Variants in GPC6 observed in about 807,000 individuals in gnomAD.
GPC6 encodes glypican-6.
In GPC6, 14 loss-of-function variants were observed where a neutral mutation model predicts 55.2. That is an observed-to-expected ratio of 0.25 (90% CI 0.17 to 0.40). GPC6 has a LOEUF of 0.40. Ranked by LOEUF, GPC6 falls within the 10% of genes least tolerant of loss-of-function variation. The pLI is 1.00. For synonymous variants in GPC6, 278 were observed against 259.6 expected (o/e 1.07, Z -0.68); for missense variants, 641 against 708.5 (o/e 0.90, Z 1.08).
At chr13:93,224,244 G>C (rs1875700612), upstream of GPC6, among the ~76,000 whole-genome samples, 1 of 138,352 alleles carries the variant, frequency 7.2e-6, no homozygotes, top group African/African-American at 2.7e-5. Flanking sequence ...GCCCAGTCTG[G>C]AGTGCAATGG....
chr13:93,587,644 C>A (rs923396900), intron 2 of GPC6, among the ~76,000 whole-genome samples: 1 of 151,978 alleles, frequency 6.6e-6, no homozygotes, highest in African/African-American at 2.4e-5. Flanking sequence ...GATTTTTAGG[C>A]AAAAATTCCG....
intron 1 of GPC6, among the ~76,000 whole-genome samples, chr13:93,486,561 T>A (rs1257879856): frequency 6.6e-6 from 1 of 152,188 alleles, no homozygotes; most frequent in Non-Finnish European, 1.5e-5. Flanking sequence ...ATTGTTTATA[T>A]CCAAAATAGG....
At chr13:94,394,505 G>A (rs1235550965) in intron 7 of GPC6, among the ~76,000 whole-genome samples, 3 of 152,174 alleles carry the variant, frequency 2.0e-5, no homozygotes, top group African/African-American at 7.2e-5. Context: ...TAACATTGTG[G>A]GCTCAAAGAC....
At chr13:94,334,425 A>G (rs1354749903) in intron 6 of GPC6, among the ~76,000 whole-genome samples, 1 of 152,188 alleles carries the variant, frequency 6.6e-6, no homozygotes, top group Non-Finnish European at 1.5e-5. Context: ...AATCTTTCTA[A>G]AGTAGAGTGC....
At chr13:93,421,126 A>C (rs1487517066) in intron 1 of GPC6, among the ~76,000 whole-genome samples, 1 of 152,080 alleles carries the variant, frequency 6.6e-6, no homozygotes, top group African/African-American at 2.4e-5. Context: ...AACTAGAGGG[A>C]ATCAGCTGCA....
chr13:94,157,721 T>TC (rs1366953997), intron 4 of GPC6, among the ~76,000 whole-genome samples: 1 of 151,852 alleles, frequency 6.6e-6, no homozygotes, highest in Non-Finnish European at 1.5e-5. Context: ...CTTGGGAAGT[T>TC]CCCCCTAACA....
At chr13:93,583,389 C>G (rs1054277637) in intron 2 of GPC6, among the ~76,000 whole-genome samples, 4 of 147,914 alleles carry the variant, frequency 2.7e-5, no homozygotes, top group Admixed American at 2.7e-4. Flanking sequence ...TATGACAAAC[C>G]TGCCTTACTA....
chr13:93,855,904 T>C (rs1322197334), intron 3 of GPC6, among the ~76,000 whole-genome samples: 1 of 151,710 alleles, frequency 6.6e-6, no homozygotes, highest in African/African-American at 2.4e-5. Flanking sequence ...TTGTTGATTT[T>C]AATCATTCTT....
intron 2 of GPC6, among the ~76,000 whole-genome samples, chr13:93,569,759 T>C (rs1328204037): frequency 6.6e-6 from 1 of 152,124 alleles, no homozygotes; most frequent in Admixed American, 6.6e-5. Context: ...GTATACTTTT[T>C]GTACATGACA....
intron 1 of GPC6, among the ~76,000 whole-genome samples, chr13:93,516,574 GTAAGT>G (rs1412299441): frequency 6.6e-6 from 1 of 152,136 alleles, no homozygotes; most frequent in Admixed American, 6.5e-5. Flanking sequence ...AAAAATCAAT[GTAAGT>G]TAAGTTTTAA....
At chr13:93,956,365 A>G (rs1879507723) in intron 3 of GPC6, among the ~76,000 whole-genome samples, 1 of 152,172 alleles carries the variant, frequency 6.6e-6, no homozygotes, top group Non-Finnish European at 1.5e-5. Context: ...TCCTACTTCC[A>G]AATATGATTC....
chr13:94,148,950 C>A (rs2138892047), intron 4 of GPC6, among the ~76,000 whole-genome samples: 1 of 145,524 alleles, frequency 6.9e-6, no homozygotes. Context: ...TAGCATGATG[C>A]CTAACACACA....
chr13:93,368,609 C>T (rs559398542), intron 1 of GPC6, among the ~76,000 whole-genome samples: 56 of 151,966 alleles, frequency 3.7e-4, no homozygotes, highest in Non-Finnish European at 6.6e-4. Flanking sequence ...AGCTTAGTTT[C>T]CCTCAAATCA....
intron 2 of GPC6, among the ~76,000 whole-genome samples, chr13:93,579,850 G>C (rs567024328): frequency 6.6e-6 from 1 of 152,128 alleles, no homozygotes; most frequent in African/African-American, 2.4e-5. Context: ...GCCCCTCACT[G>C]TGTGTGGCTC....
At chr13:93,557,734 G>T (rs1001796832) in intron 2 of GPC6, among the ~76,000 whole-genome samples, 1 of 152,168 alleles carries the variant, frequency 6.6e-6, no homozygotes, top group Non-Finnish European at 1.5e-5. Flanking sequence ...TCTGTCTGGC[G>T]CATAGAACTC....
At chr13:93,917,517 C>T (rs1877351139) in intron 3 of GPC6, among the ~76,000 whole-genome samples, 1 of 152,082 alleles carries the variant, frequency 6.6e-6, no homozygotes, top group Admixed American at 6.6e-5. Context: ...TCCTAAGGTG[C>T]CATTTTGAAG....
At chr13:94,030,319 T>C (rs911611440) in intron 4 of GPC6, among the ~76,000 whole-genome samples, 2 of 152,124 alleles carry the variant, frequency 1.3e-5, no homozygotes, top group African/African-American at 4.8e-5. Flanking sequence ...CCTCTGTCTC[T>C]TTTTTTAATT....
intron 3 of GPC6, among the ~76,000 whole-genome samples, chr13:93,868,951 T>C (rs1566577877): frequency 2.0e-5 from 3 of 151,834 alleles, no homozygotes; most frequent in Non-Finnish European, 4.4e-5. Flanking sequence ...CGGAACTGCT[T>C]CTATTCTTTA....
chr13:93,641,973 CTG>C (rs993283363), intron 2 of GPC6, among the ~76,000 whole-genome samples: 22 of 152,008 alleles, frequency 1.4e-4, no homozygotes, highest in African/African-American at 5.1e-4. Context: ...TTATACATAA[CTG>C]TAGTTAGACA....
Sources: gnomAD v4.1 joint callset for allele counts (sites outside exome capture counted in the v4.1 genomes callset) on GRCh38, gnomAD v4.1.1 for gene constraint, MANE v1.5 for transcripts, NCBI Gene and HGNC (gene_info 2026-07-23, HGNC 2026-07-21) for gene names.